Variants in WRAP73 observed in about 807,000 individuals in gnomAD.
WRAP73 encodes the protein WD repeat containing, antisense to TP73, also known as WD repeat-containing protein WRAP73.
In WRAP73, 55 loss-of-function variants were observed where a neutral mutation model predicts 59.6. The ratio of observed to expected loss-of-function variants is 0.92; its 90% CI spans 0.74 to 1.15. WRAP73 has a LOEUF of 1.15. Among genes scored for constraint, WRAP73 ranks in the 50% most tolerant of loss-of-function variants. WRAP73 has a pLI of 0.00. For missense variants in WRAP73, 592 were observed against 608.1 expected (o/e 0.97, Z 0.28); for synonymous variants, 265 against 258.2 (o/e 1.03, Z -0.25).
rs1464294548 is a variant in WRAP73 at position 3,630,969 on chromosome 1, C to T, written c.*6G>A. 2.5e-6 allele frequency: 4 copies of T among 1,612,260 alleles called. No homozygotes were observed. In the African/African-American group the frequency reaches 5.3e-5, roughly 21 times the overall value. On this transcript the variant is annotated 3_prime_UTR_variant, in exon 12 of 12. Transcript: ENST00000270708. The stretch of plus-strand genomic sequence containing the variant: ...CCCTGTTTCTGCACACGTTAGTGCA[C>T]CGCTGCTACGTGTGGCCGCCCAGCT...
chr1:3,637,215 A>C, intron 4 of WRAP73, 117 bp from the exon 5 acceptor site: 1 of 868,486 alleles, frequency 1.2e-6, no homozygotes, highest in Non-Finnish European at 1.8e-6. Context: ...AAAGAAGGGA[A>C]ATGGCACAAT....
intron 11 of WRAP73, 26 bp from the exon 12 acceptor site, chr1:3,631,143 A>G (rs760924014): frequency 3.1e-6 from 5 of 1,612,592 alleles, no homozygotes; most frequent in Non-Finnish European, 4.2e-6. Context: ...TGGCCAGAGG[A>G]TTACAGCAGG....
At chr1:3,640,417 G>A in intron 3 of WRAP73, among the ~76,000 whole-genome samples, 1 of 152,022 alleles carries the variant, frequency 6.6e-6, no homozygotes, top group Non-Finnish European at 1.5e-5. Context: ...GAGCGCCCGA[G>A]CATCTCAGCA....
Position 3,650,076 on chromosome 1 carries a change from C to G in WRAP73, c.-77G>C, listed in dbSNP as rs1296383826. On this transcript the variant is annotated 5_prime_UTR_variant, in exon 1 of 12. Transcript: ENST00000270708. ...CTGGGCGCGCAGCAGGCTGCAACAG[C>G]CGACGCCGGCCTCCGAGGCCGGAAG... 1 of 1,423,258 alleles carries G rather than the reference C, an allele frequency of 7.0e-7. No homozygotes were observed. Among genetic ancestry groups the G allele is most frequent in the Non-Finnish European group, 9.4e-7 (1 of 1,067,150 alleles). 88.2% of individuals were successfully genotyped at this position (1,423,258 alleles called of 1,614,324 possible).
intron 3 of WRAP73, among the ~76,000 whole-genome samples, chr1:3,642,979 G>A (rs981335750): frequency 2.0e-5 from 3 of 152,082 alleles, no homozygotes; most frequent in Non-Finnish European, 4.4e-5. Context: ...AAAAGCCTTG[G>A]CAAATGAAAC....
chr1:3,649,845 C>T, intron 1 of WRAP73, 86 bp downstream of exon 1: 1 of 1,446,416 alleles, frequency 6.9e-7, no homozygotes, highest in Non-Finnish European at 9.3e-7. Flanking sequence ...AAGCTGCCTC[C>T]ACCCACGCGG....
chr1:3,649,824 G>T, intron 1 of WRAP73, 107 bp downstream of exon 1: 1 of 1,258,278 alleles, frequency 7.9e-7, no homozygotes, highest in Non-Finnish European at 1.1e-6. Context: ...CACCGCACCT[G>T]CAGGATCCCC....
At chr1:3,640,181 G>A (rs541133092) in intron 3 of WRAP73, among the ~76,000 whole-genome samples, 32 of 152,348 alleles carry the variant, frequency 2.1e-4, no homozygotes, top group Non-Finnish European at 4.1e-4. Flanking sequence ...TGCTGAACCC[G>A]AAACACACTG....
intron 3 of WRAP73, among the ~76,000 whole-genome samples, chr1:3,640,908 G>A (rs544870002): frequency 6.6e-6 from 1 of 152,328 alleles, no homozygotes; most frequent in South Asian, 2.1e-4. Context: ...CCTGTGGGGT[G>A]CGCCTGGCCG....
chr1:3,636,472 C>T (rs1225356505), intron 5 of WRAP73: 1 of 312,086 alleles, frequency 3.2e-6, no homozygotes, highest in Non-Finnish European at 6.2e-6. Flanking sequence ...CCTGGCCAGG[C>T]TCACTCCTTT....
Position 3,632,238 on chromosome 1 carries a change from G to A in WRAP73, c.1023C>T (p.Asp341=), listed in dbSNP as rs777492345. The A allele has an allele frequency of 7.4e-6, 12 of 1,614,090 alleles. No homozygotes were observed. Among genetic ancestry groups the A allele is most frequent in the Non-Finnish European group, 1.0e-5 (12 of 1,179,964 alleles). The change falls in exon 10 of 12, where the codon GAC becomes GAT. Residue 341 remains aspartate, a synonymous_variant. Coordinates refer to ENST00000270708, the MANE Select transcript of WRAP73 (RefSeq NM_017818.4). ...CGTTCCTTGTCGCCAGGAAGTAGCTGTCAGGACTAAATGCCAGCATTCCTA... is the reference window on the plus strand; with the variant it reads ...CGTTCCTTGTCGCCAGGAAGTAGCTATCAGGACTAAATGCCAGCATTCCTA... The part of the protein sequence containing the change: ...IGIGMLAFSP[D]SYFLATRNDN...
rs779312055 is a variant in WRAP73, at chr1:3,632,223, C to T, written c.1038G>A (p.Ala346=). 3.1e-6 allele frequency: 5 copies of T among 1,613,324 alleles called. No homozygotes were observed. Among genetic ancestry groups the T allele is most frequent in the African/African-American group, 1.3e-5 (1 of 75,062 alleles). The stretch of plus-strand genomic sequence containing the variant: ...GTCAGCACAACTGACCGTTCCTTGT[C>T]GCCAGGAAGTAGCTGTCAGGACTAA... The part of the protein sequence containing the change: ...LAFSPDSYFL[A]TRNDNIPNAV... Residue 346 remains alanine (A), a synonymous_variant, in exon 10 of 12, where the codon GCG becomes GCA. Coordinates refer to ENST00000270708, the MANE Select transcript of WRAP73 (RefSeq NM_017818.4).
chr1:3,644,635 C>T (rs938043431), intron 3 of WRAP73, among the ~76,000 whole-genome samples: 1 of 152,194 alleles, frequency 6.6e-6, no homozygotes, highest in African/African-American at 2.4e-5. Context: ...CCTCATCCAC[C>T]ACCTGGTCTT....
intron 5 of WRAP73, chr1:3,636,514 A>G (rs1235758480): frequency 3.0e-6 from 1 of 332,230 alleles, no homozygotes; most frequent in Non-Finnish European, 5.8e-6. Flanking sequence ...CTTCCAGAGC[A>G]CTGCCTGGAT....
chr1:3,631,352 A>G (rs1255117094), intron 11 of WRAP73, 114 bp downstream of exon 11: 11 of 1,398,548 alleles, frequency 7.9e-6, no homozygotes, highest in Middle Eastern at 1.8e-4. Flanking sequence ...CTCTGAGGGC[A>G]GTTTCCCTGG....
In WRAP73 at chr1:3,647,272, C is replaced by T. The variant is rs56101886; in HGVS notation, c.222+136G>A. The T allele has an allele frequency of 1.2e-3, 1,092 of 917,112 alleles. 16 individuals carry two copies. In the African/African-American group the frequency reaches 0.016, roughly 14 times the overall value. 56.8% of individuals were successfully genotyped at this position (917,112 alleles called of 1,614,324 possible). ...TTAAATGTTCTTAAACTTTAGAGAACGTTATAATTTCAAAAGAAAACTGGC... is the reference window on the plus strand; with the variant it reads ...TTAAATGTTCTTAAACTTTAGAGAATGTTATAATTTCAAAAGAAAACTGGC... On this transcript the variant is annotated intron_variant, in intron 2 of 11. Coordinates refer to ENST00000270708, the MANE Select transcript of WRAP73 (RefSeq NM_017818.4).
chr1:3,640,733 C>T (rs1486560978), intron 3 of WRAP73, among the ~76,000 whole-genome samples: 2 of 150,658 alleles, frequency 1.3e-5, no homozygotes, highest in South Asian at 2.1e-4. Context: ...ATCAGCAGGG[C>T]GGGGTGGAGC....
chr1:3,647,529 C>T lies in WRAP73; in HGVS notation c.101G>A (p.Arg34Gln), dbSNP rs369780945. Reference protein sequence around the residue: ...ASCVQYRLVVRDVNTLQILQL... With the variant: ...ASCVQYRLVVQDVNTLQILQL... ...AAGGATCTGAAGGGTGTTCACATCC[C>T]GGACCACTAACCGGTACTGGACACA... Residue 34 changes from arginine to glutamine, a missense_variant, in exon 2 of 12, where the codon CGG (arginine) becomes CAG (glutamine). Physicochemically the swap from Arg to Gln is conservative, Grantham distance 43 (BLOSUM62 1). Transcript: ENST00000270708. The T allele has an allele frequency of 1.1e-5, 18 of 1,613,642 alleles. No homozygotes were observed. The highest frequency in any genetic ancestry group is 6.7e-5 in the African/African-American group (5 of 74,858).
intron 9 of WRAP73, chr1:3,632,695 A>G (rs980797558): frequency 2.0e-5 from 7 of 348,140 alleles, no homozygotes; most frequent in Non-Finnish European, 3.9e-5. Context: ...TGAGTTCACA[A>G]TCCCTTCCAC....
Sources: gnomAD v4.1 joint callset for allele counts (sites outside exome capture counted in the v4.1 genomes callset) on GRCh38, gnomAD v4.1.1 for gene constraint, MANE v1.5 for transcripts, NCBI Gene and HGNC (gene_info 2026-07-23, HGNC 2026-07-21) for gene names.